The following OPCML variants were observed in gnomAD, a reference collection of about 807,000 sequenced individuals.
The protein encoded by OPCML is opioid binding protein/cell adhesion molecule like.
OPCML carries 13 observed loss-of-function variants against 37.8 expected under a neutral mutation model. The ratio of observed to expected loss-of-function variants is 0.34; its 90% CI spans 0.22 to 0.55. The LOEUF is 0.55. OPCML is among the 20% of genes least tolerant of loss of function. The probability of loss-of-function intolerance (pLI) is 0.91; values close to 1 mark genes in which losing one functional copy is unlikely to be tolerated. For synonymous variants in OPCML, 176 were observed against 168.8 expected (o/e 1.04, Z -0.33); for missense variants, 341 against 435.6 (o/e 0.78, Z 1.93).
intron 1 of OPCML, among the ~76,000 whole-genome samples, chr11:133,227,110 C>T (rs1940074562): frequency 6.6e-6 from 1 of 152,178 alleles, no homozygotes; most frequent in Admixed American, 6.5e-5. Context: ...CCAGCCTTCG[C>T]CCCTGCACAC....
intron 4 of OPCML, among the ~76,000 whole-genome samples, chr11:132,511,263 T>A (rs2096268277): frequency 6.6e-6 from 1 of 152,092 alleles, no homozygotes; most frequent in South Asian, 2.1e-4. Flanking sequence ...AAAACACTGT[T>A]GAGAAAAATT....
At chr11:133,006,101 C>T in intron 1 of OPCML, 1 of 985,366 alleles carries the variant, frequency 1.0e-6, no homozygotes, top group Non-Finnish European at 1.2e-6. Context: ...GGGTTTCTGG[C>T]ATGGGGTCAT....
chr11:132,452,498 C>A (rs997539629), intron 4 of OPCML, among the ~76,000 whole-genome samples: 6 of 101,228 alleles, frequency 5.9e-5, no homozygotes, highest in Admixed American at 4.7e-4. Flanking sequence ...CCCTTCCTCA[C>A]TTCCTTCCTT....
At chr11:132,739,052 A>G (rs2136032566) in intron 2 of OPCML, among the ~76,000 whole-genome samples, 1 of 152,334 alleles carries the variant, frequency 6.6e-6, no homozygotes, top group South Asian at 2.1e-4. Flanking sequence ...ATAACCCGAG[A>G]TAACTCGACT....
intron 2 of OPCML, among the ~76,000 whole-genome samples, chr11:132,718,700 C>T (rs1944576355): frequency 6.6e-6 from 1 of 152,154 alleles, no homozygotes; most frequent in Non-Finnish European, 1.5e-5. Flanking sequence ...CAGCAATGCT[C>T]TCACTGCACA....
intron 2 of OPCML, among the ~76,000 whole-genome samples, chr11:132,680,489 T>A (rs1942895249): frequency 6.6e-6 from 1 of 152,134 alleles, no homozygotes; most frequent in South Asian, 2.1e-4. Flanking sequence ...TGCACTTTCC[T>A]CAGGGCTGAA....
Position 132,943,155 on chromosome 11 carries a change from C to A in OPCML, c.62-145G>T. On this transcript the variant is annotated intron_variant, in intron 1 of 7. Coordinates refer to ENST00000524381, the MANE Select transcript of OPCML (RefSeq NM_001012393.5). The surrounding 1 kb of genome is among the most constrained non-coding windows in gnomAD (Gnocchi z 4.3). ...CACAGTCCTGGTCCCCCGCCCCGCG[C>A]ACCAGCGGGCTCGGGAAGCGGTGCG... The A allele has an allele frequency of 3.1e-6, 5 of 1,601,674 alleles. No homozygotes were observed. The highest frequency in any genetic ancestry group is 4.3e-6 in the Non-Finnish European group (5 of 1,170,572).
intron 1 of OPCML, among the ~76,000 whole-genome samples, chr11:133,321,504 G>A (rs1943329426): frequency 6.6e-6 from 1 of 152,120 alleles, no homozygotes; most frequent in African/African-American, 2.4e-5. Context: ...GCACATGTGG[G>A]CCTAAATATT....
intron 1 of OPCML, among the ~76,000 whole-genome samples, chr11:133,034,704 A>G (rs1947744081): frequency 1.3e-5 from 2 of 151,968 alleles, no homozygotes; most frequent in Admixed American, 6.5e-5. Context: ...AACATTTAGA[A>G]GTGTGACTGA....
chr11:132,866,211 G>T (rs1208835032), intron 2 of OPCML, among the ~76,000 whole-genome samples: 1 of 152,112 alleles, frequency 6.6e-6, no homozygotes, highest in Non-Finnish European at 1.5e-5. Context: ...GCCAACAAAA[G>T]AACATAAATT....
intron 1 of OPCML, among the ~76,000 whole-genome samples, chr11:133,059,929 T>C (rs1358857785): frequency 6.6e-6 from 1 of 152,218 alleles, no homozygotes; most frequent in Non-Finnish European, 1.5e-5. Flanking sequence ...AATAGAATTT[T>C]GGAAAACTTT....
chr11:133,112,309 A>AAAAAAC (rs1949268460), intron 1 of OPCML, among the ~76,000 whole-genome samples: 1 of 115,516 alleles, frequency 8.7e-6, no homozygotes, highest in Non-Finnish European at 1.7e-5. Flanking sequence ...AAAAAAAAAA[A>AAAAAAC]AGGGGAAAGA....
chr11:133,207,020 G>A (rs1378895325), intron 1 of OPCML, among the ~76,000 whole-genome samples: 1 of 151,776 alleles, frequency 6.6e-6, no homozygotes, highest in Non-Finnish European at 1.5e-5. Context: ...GGGCGCGGTG[G>A]CTCACGCCTG....
In OPCML at chr11:133,158,709, T is replaced by TAA. The variant is rs1950099700; in HGVS notation, c.62-215701_62-215700dup. On this transcript the variant is annotated intron_variant, in intron 1 of 7. Transcript: ENST00000524381. ...GTGAGACTCTGTCTAAAAATAAAAT[T>TAA]AAAAAAATAAAATAAAATAAAATAA... Among the ~76,000 whole-genome samples the TAA allele has an allele frequency of 2.4e-5, 3 of 125,888 alleles. No homozygotes were observed. In the South Asian group the frequency reaches 7.2e-4, roughly 30 times the overall value. 82.6% of individuals were successfully genotyped at this position (125,888 alleles called of 152,430 possible).
intron 4 of OPCML, among the ~76,000 whole-genome samples, chr11:132,464,703 A>G (rs1308824607): frequency 6.6e-6 from 1 of 152,146 alleles, no homozygotes; most frequent in Non-Finnish European, 1.5e-5. Flanking sequence ...ACGCAGAGTA[A>G]GCCCCTCTAT....
chr11:133,492,711 C>T (rs1407516420), intron 1 of OPCML, among the ~76,000 whole-genome samples: 2 of 97,838 alleles, frequency 2.0e-5, no homozygotes, highest in Admixed American at 2.0e-4. Context: ...GCAATTACTG[C>T]CAAAAAAAAA....
At chr11:132,713,040 CT>C (rs1417058510) in intron 2 of OPCML, among the ~76,000 whole-genome samples, 1 of 151,788 alleles carries the variant, frequency 6.6e-6, no homozygotes, top group Admixed American at 6.6e-5. Context: ...CAGGCGCCTG[CT>C]TTTTCCCCCT....
intron 1 of OPCML, among the ~76,000 whole-genome samples, chr11:133,059,312 GT>G (rs1399802841): frequency 5.3e-5 from 8 of 152,206 alleles, no homozygotes; most frequent in Non-Finnish European, 8.8e-5. Context: ...TTCTTAGAGT[GT>G]GATCCACAAA....
intron 1 of OPCML, among the ~76,000 whole-genome samples, chr11:133,158,738 AAAAT>A (rs1950101974): frequency 1.3e-5 from 2 of 150,524 alleles, no homozygotes; most frequent in Admixed American, 6.6e-5. Flanking sequence ...AAAATAAAAT[AAAAT>A]AAAATAAAAT....
Sources: gnomAD v4.1 joint callset for allele counts (sites outside exome capture counted in the v4.1 genomes callset) on GRCh38, gnomAD v4.1.1 for gene constraint, Gnocchi (gnomAD v3.1) non-coding constraint, MANE v1.5 for transcripts, NCBI Gene and HGNC (gene_info 2026-07-23, HGNC 2026-07-21) for gene names.